SYTL5: variants seen among roughly 807,000 people sequenced by gnomAD.
SYTL5 encodes synaptotagmin like 5.
In SYTL5, 34 loss-of-function variants were observed where a neutral mutation model predicts 55.9. The ratio of observed to expected loss-of-function variants is 0.61; its 90% CI spans 0.46 to 0.81. The LOEUF is 0.81. SYTL5 is among the 30% of genes least tolerant of loss of function. The pLI, the probability that SYTL5 is intolerant of heterozygous loss-of-function variation, is 0.00. For missense variants in SYTL5, 637 were observed against 546.7 expected, an observed-to-expected ratio of 1.17 and a Z score of -1.65; for synonymous variants, 221 against 188.7, an observed-to-expected ratio of 1.17 and a Z score of -1.40.
At chrX:38,122,342 C>A in intron 15 of SYTL5, 127 bp downstream of exon 15, 1 of 463,201 alleles carries the variant, frequency 2.2e-6, no homozygotes, top group Non-Finnish European at 3.4e-6. Context: ...TGAGAACTAC[C>A]CTTACATGCT....
chrX:38,026,368 G>C (rs770013961), intron 1 of SYTL5, among the ~76,000 whole-genome samples: 1 of 111,479 alleles, frequency 9.0e-6, no homozygotes, highest in South Asian at 3.9e-4. Context: ...TGATTTTCTT[G>C]ATAGAGTTTT....
chrX:38,041,139 G>T (rs1935274965), intron 2 of SYTL5, among the ~76,000 whole-genome samples: 1 of 111,645 alleles, frequency 9.0e-6, no homozygotes, highest in Non-Finnish European at 1.9e-5. Flanking sequence ...AGTGCTAGGA[G>T]AAGAGAAGGA....
chrX:37,986,516 C>T, the SYTL5 span, among the ~76,000 whole-genome samples: 3 of 112,016 alleles, frequency 2.7e-5, no homozygotes, highest in African/African-American at 9.7e-5. Flanking sequence ...ACTACCAGGC[C>T]CAGGGTGTGG....
the SYTL5 span, among the ~76,000 whole-genome samples, chrX:37,907,165 A>T: frequency 8.9e-6 from 1 of 111,792 alleles, no homozygotes; most frequent in Non-Finnish European, 1.9e-5. Context: ...AGTGGTCTTA[A>T]TTCACAACAC....
rs553981959 is a variant in SYTL5 at position 38,026,011 on chromosome X, T to A, written c.-356-7523T>A. Among the ~76,000 whole-genome samples the A allele has an allele frequency of 4.4e-5, 5 of 112,732 alleles. No homozygotes were observed. In the South Asian group the frequency reaches 1.8e-3, roughly 41 times the overall value. On this transcript the variant is annotated intron_variant, in intron 1 of 16. Coordinates refer to ENST00000297875, the MANE Select transcript of SYTL5 (RefSeq NM_138780.3). The stretch of plus-strand genomic sequence containing the variant: ...GAGAGCTCTATGGGAAGCCAACTTA[T>A]AATCAAAAGTGTCTGGAAGGAAGTG...
chrX:38,002,627 A>G (rs1260303407), upstream of SYTL5, among the ~76,000 whole-genome samples: 1 of 111,881 alleles, frequency 8.9e-6, no homozygotes, highest in East Asian at 2.8e-4. Context: ...GATGATGAGC[A>G]TTTTTTCATC....
At chrX:38,037,736 T>G (rs1317995355) in intron 2 of SYTL5, among the ~76,000 whole-genome samples, 1 of 111,282 alleles carries the variant, frequency 9.0e-6, no homozygotes, top group African/African-American at 3.3e-5. Flanking sequence ...CAGGGTACCT[T>G]AACTTTAGCG....
At chrX:37,965,480 A>G in the SYTL5 span, among the ~76,000 whole-genome samples, 160 of 111,804 alleles carry the variant, frequency 1.4e-3, no homozygotes, top group Middle Eastern at 0.023. Context: ...GATATTTGGT[A>G]TAATTTCAAT....
chrX:37,913,955 T>C, the SYTL5 span, among the ~76,000 whole-genome samples: 2 of 112,316 alleles, frequency 1.8e-5, no homozygotes, highest in Non-Finnish European at 3.8e-5. Context: ...CTGTGTAACC[T>C]TGAAGTAAGC....
At chrX:38,046,914 G>A (rs1935478696) in intron 2 of SYTL5, among the ~76,000 whole-genome samples, 1 of 112,089 alleles carries the variant, frequency 8.9e-6, no homozygotes, top group South Asian at 3.8e-4. Context: ...CAGGGGGGCA[G>A]TCAAATCTTA....
intron 2 of SYTL5, among the ~76,000 whole-genome samples, chrX:38,040,529 G>A (rs1346922997): frequency 9.4e-6 from 1 of 106,473 alleles, no homozygotes; most frequent in Non-Finnish European, 1.9e-5. Context: ...ATGTCCAGGA[G>A]TTCAATTGAT....
At chrX:38,041,056 G>A (rs775269530) in intron 2 of SYTL5, among the ~76,000 whole-genome samples, 2 of 111,835 alleles carry the variant, frequency 1.8e-5, no homozygotes, top group East Asian at 5.6e-4. Flanking sequence ...ATCTCCAAGA[G>A]ACCACAGACC....
chrX:37,940,548 T>C, the SYTL5 span, among the ~76,000 whole-genome samples: 6 of 105,856 alleles, frequency 5.7e-5, no homozygotes, highest in Non-Finnish European at 1.2e-4. Context: ...TCTCTTTTAC[T>C]AGGTATACAT....
At chrX:37,931,521 T>G in the SYTL5 span, among the ~76,000 whole-genome samples, 1 of 111,834 alleles carries the variant, frequency 8.9e-6, no homozygotes, top group Non-Finnish European at 1.9e-5. Flanking sequence ...TTACCTTCTC[T>G]TCTATAGAGC....
At chrX:37,908,629 A>T in the SYTL5 span, among the ~76,000 whole-genome samples, 2 of 111,706 alleles carry the variant, frequency 1.8e-5, no homozygotes, top group African/African-American at 6.5e-5. Flanking sequence ...TAGCAAAAGC[A>T]CACATTTAGA....
intron 1 of SYTL5, among the ~76,000 whole-genome samples, chrX:38,016,687 T>C (rs896882080): frequency 3.6e-5 from 4 of 111,552 alleles, no homozygotes; most frequent in Admixed American, 2.9e-4. Flanking sequence ...TATAGAGAGC[T>C]TGGTTAATTG....
chrX:38,000,657 G>C, the SYTL5 span, among the ~76,000 whole-genome samples: 1 of 112,635 alleles, frequency 8.9e-6, no homozygotes, highest in Admixed American at 9.3e-5. Context: ...CTTATCGCAA[G>C]GACAGAGGGC....
At chrX:38,044,616 G>A (rs1935404347) in intron 2 of SYTL5, among the ~76,000 whole-genome samples, 1 of 111,634 alleles carries the variant, frequency 9.0e-6, no homozygotes, top group Non-Finnish European at 1.9e-5. Context: ...ATTGCATTGT[G>A]ATACCAAATA....
At chrX:37,918,914 C>G in the SYTL5 span, among the ~76,000 whole-genome samples, 1 of 107,844 alleles carries the variant, frequency 9.3e-6, no homozygotes, top group Non-Finnish European at 1.9e-5. Context: ...AATTAGAACT[C>G]TAGCTGCAAG....
Sources: gnomAD v4.1 joint callset for allele counts (sites outside exome capture counted in the v4.1 genomes callset) on GRCh38, gnomAD v4.1.1 for gene constraint, MANE v1.5 for transcripts, NCBI Gene and HGNC (gene_info 2026-07-23, HGNC 2026-07-21) for gene names.